TRAK1: variants seen among roughly 807,000 people sequenced by gnomAD.
TRAK1 encodes the protein trafficking kinesin-binding protein 1.
In TRAK1, 33 loss-of-function variants were observed where a neutral mutation model predicts 92.1. The observed-to-expected ratio is 0.36, with a 90% CI of 0.27 to 0.48. The LOEUF is 0.48. Among genes scored for constraint, TRAK1 ranks in the 20% least tolerant of loss-of-function variants. The pLI, the probability that TRAK1 is intolerant of heterozygous loss-of-function variation, is 0.99. For missense variants in TRAK1, 1,123 were observed against 1,257.9 expected (o/e 0.89, Z 1.62); for synonymous variants, 521 against 517.3 (o/e 1.01, Z -0.10).
At chr3:42,029,459 C>G (rs1313551515) in intron 1 of TRAK1, among the ~76,000 whole-genome samples, 1 of 149,108 alleles carries the variant, frequency 6.7e-6, no homozygotes. Flanking sequence ...CCAGGGTAGT[C>G]TTGAACTCCT....
chr3:42,131,240 G>A (rs906284419), intron 2 of TRAK1, among the ~76,000 whole-genome samples: 1 of 152,224 alleles, frequency 6.6e-6, no homozygotes, highest in Admixed American at 6.5e-5. Context: ...GAGCAGGGCC[G>A]ACACAGTGGT....
chr3:42,021,331 CTATGGGAATTGTA>C (rs1456741990), intron 1 of TRAK1, among the ~76,000 whole-genome samples: 3 of 152,080 alleles, frequency 2.0e-5, no homozygotes, highest in African/African-American at 7.2e-5. Context: ...ATGCAGAATA[CTATGGGAATTGTA>C]CAGTTGTACA....
At chr3:42,194,425 T>C (rs1013812245) in intron 9 of TRAK1, among the ~76,000 whole-genome samples, 2 of 150,900 alleles carry the variant, frequency 1.3e-5, no homozygotes, top group African/African-American at 4.9e-5. Context: ...TTTTGAAAGA[T>C]GAGGTTTTCC....
intron 2 of TRAK1, chr3:42,149,222 C>T: frequency 8.3e-7 from 1 of 1,202,110 alleles, no homozygotes; most frequent in South Asian, 2.4e-5. Context: ...ATAGGACGAT[C>T]CTGGCTACTC....
chr3:42,062,625 G>C (rs1042149231), intron 1 of TRAK1, among the ~76,000 whole-genome samples: 2 of 152,066 alleles, frequency 1.3e-5, no homozygotes, highest in African/African-American at 2.4e-5. Context: ...TGTGAAATAG[G>C]GTTTGTGAAA....
intron 6 of TRAK1, among the ~76,000 whole-genome samples, chr3:42,191,151 G>A (rs541682143): frequency 2.2e-4 from 34 of 152,130 alleles, no homozygotes; most frequent in Non-Finnish European, 4.1e-4. Flanking sequence ...ATTCCTGTGT[G>A]GTTATCCTTA....
In TRAK1 at chr3:42,193,196, G is replaced by A. The variant is rs560921206; in HGVS notation, c.891G>A (p.Lys297=). ...LLSQIVDLQK[K]AKACAVENEE... is the part of the protein sequence containing the mutation. ...CGCAAATAGTTGATTTGCAGAAAAA[G>A]GCAAAAGCTGTAAGGCTTCTCTGTT... is the stretch of plus-strand genomic sequence containing the variant. Residue 297 remains lysine, a synonymous_variant, in exon 8 of 16, where the codon AAG becomes AAA. Transcript: ENST00000327628. 4 of 1,613,980 alleles carry A rather than the reference G, an allele frequency of 2.5e-6. No individual in the cohort carries two copies. The highest frequency in any genetic ancestry group is 3.3e-5 in the Admixed American group (2 of 59,992).
rs777341194 is a variant in TRAK1 at position 42,223,503 on chromosome 3, G to T, written c.2628G>T (p.Gly876=). Residue 876 remains glycine (G), a synonymous_variant, in exon 16 of 16, where the codon GGG becomes GGT. Coordinates refer to ENST00000327628, the MANE Select transcript of TRAK1 (RefSeq NM_001042646.3). The surrounding 1 kb of genome is among the most constrained non-coding windows in gnomAD (Gnocchi z 6.1). The part of the protein sequence containing the change: ...LTEEQGPLLC[G]PPGPAPALVP... ...AGGAGCAGGGACCCCTCCTCTGTGG[G>T]CCCCCGGGGCCAGCACCAGCCCTTG... 6.2e-7 allele frequency: 1 copy of T among 1,613,562 alleles called. No individual in the cohort carries two copies. The highest frequency in any genetic ancestry group is 1.7e-5 in the Admixed American group (1 of 60,022).
At chr3:42,041,230 C>T (rs544127996) in intron 1 of TRAK1, among the ~76,000 whole-genome samples, 2 of 150,848 alleles carry the variant, frequency 1.3e-5, no homozygotes, top group East Asian at 3.9e-4. Context: ...CAATATTAAG[C>T]CTTCCAATAC....
intron 1 of TRAK1, among the ~76,000 whole-genome samples, chr3:42,064,375 A>AC (rs896215115): frequency 2.3e-4 from 35 of 152,112 alleles, no homozygotes; most frequent in Admixed American, 1.9e-3. Context: ...CAAATTAAAA[A>AC]AAAAAACCTT....
At chr3:42,079,049 C>G (rs1344440450) in intron 1 of TRAK1, among the ~76,000 whole-genome samples, 1 of 152,186 alleles carries the variant, frequency 6.6e-6, no homozygotes, top group Non-Finnish European at 1.5e-5. Flanking sequence ...TCAGTTCTTT[C>G]CCAGAGCCCC....
chr3:42,082,487 A>C (rs574262622), upstream of TRAK1, among the ~76,000 whole-genome samples: 1 of 152,118 alleles, frequency 6.6e-6, no homozygotes, highest in Middle Eastern at 3.2e-3. Context: ...AGTCTCAGCT[A>C]CTTGGGAGAC....
intron 1 of TRAK1, among the ~76,000 whole-genome samples, chr3:42,030,770 G>A (rs1009211973): frequency 1.4e-5 from 2 of 143,292 alleles, no homozygotes. Flanking sequence ...AGTTAGTAGG[G>A]ACTGCTTGGG....
chr3:42,115,701 A>G (rs1017811134), intron 1 of TRAK1, among the ~76,000 whole-genome samples: 1 of 151,998 alleles, frequency 6.6e-6, no homozygotes, highest in Admixed American at 6.5e-5. Flanking sequence ...TTCCCATCCT[A>G]TGAGGGTTTC....
intron 1 of TRAK1, among the ~76,000 whole-genome samples, chr3:42,079,772 C>T (rs773661791): frequency 2.0e-5 from 3 of 152,046 alleles, no homozygotes; most frequent in Non-Finnish European, 4.4e-5. Context: ...TGAGCCACTG[C>T]GCCCTGCTGG....
At chr3:42,185,411 A>G (rs1466318225) in intron 4 of TRAK1, among the ~76,000 whole-genome samples, 1 of 152,230 alleles carries the variant, frequency 6.6e-6, no homozygotes, top group Non-Finnish European at 1.5e-5. Context: ...ATGGATATCA[A>G]TGGTGAGAGG....
chr3:42,057,853 T>C (rs1296290476), intron 1 of TRAK1, among the ~76,000 whole-genome samples: 1 of 152,198 alleles, frequency 6.6e-6, no homozygotes, highest in Non-Finnish European at 1.5e-5. Flanking sequence ...GCCCACACCA[T>C]GTTAATCAGT....
chr3:42,017,497 T>C (rs1003066301), intron 1 of TRAK1, among the ~76,000 whole-genome samples: 4 of 152,142 alleles, frequency 2.6e-5, no homozygotes, highest in African/African-American at 9.7e-5. Flanking sequence ...CACCTCCTTT[T>C]CCCCCCTTCT....
At position 42,189,066 on chromosome 3, in the gene TRAK1, A is replaced by G. The variant is rs781682065; in HGVS notation, c.632A>G (p.Asp211Gly). The change falls in exon 6 of 16, where the codon GAT (aspartate) becomes GGT (glycine). Residue 211 changes from aspartate to glycine, a missense_variant. By Grantham distance (94) the Asp-to-Gly change is moderately conservative. Coordinates refer to ENST00000327628, the MANE Select transcript of TRAK1 (RefSeq NM_001042646.3). ...SSSVQNYFHLDSLQKKLKDLE... is the reference protein window; with the variant it reads ...SSSVQNYFHLGSLQKKLKDLE... ...TCAGTCCAGAATTACTTTCATTTGG[A>G]TTCTCTTCAAAAGAAGCTGAAAGAC... 5.6e-6 allele frequency: 9 copies of G among 1,614,212 alleles called. No homozygotes were observed. In the East Asian group the frequency reaches 2.0e-4, roughly 36 times the overall value.
Sources: allele counts gnomAD v4.1 joint callset (sites outside exome capture counted in the v4.1 genomes callset), GRCh38; gene constraint gnomAD v4.1.1; non-coding constraint Gnocchi (gnomAD v3.1); transcripts MANE v1.5; gene names NCBI Gene and HGNC (gene_info 2026-07-23, HGNC 2026-07-21).